Variants in TTC6 observed in about 807,000 individuals in gnomAD.
TTC6 encodes tetratricopeptide repeat protein 6.
TTC6 carries 172 observed loss-of-function variants against 210.4 expected under a neutral mutation model. The observed-to-expected ratio is 0.82, with a 90% CI of 0.72 to 0.93. The LOEUF is 0.93. Among genes scored for constraint, TTC6 ranks in the 40% least tolerant of loss-of-function variants. The pLI is 0.00. For missense variants in TTC6, 2,414 were observed against 2,318.1 expected (o/e 1.04, Z -0.85); for synonymous variants, 804 against 819.6 (o/e 0.98, Z 0.32).
At chr14:37,807,408 C>T in exon 23 of TTC6, 12 of 1,530,122 alleles carry the variant, frequency 7.8e-6, no homozygotes, top group Non-Finnish European at 1.1e-5. Context: ...AAAATTTACC[C>T]TGAAAGCGTA....
chr14:37,835,841 A>G (rs2096196644), intron 29 of TTC6, among the ~76,000 whole-genome samples: 1 of 152,146 alleles, frequency 6.6e-6, no homozygotes, highest in African/African-American at 2.4e-5. Context: ...TTCTCTCTAT[A>G]CGGATTCAAT....
chr14:37,785,624 C>T (rs1298031847), intron 14 of TTC6, among the ~76,000 whole-genome samples: 1 of 152,192 alleles, frequency 6.6e-6, no homozygotes, highest in African/African-American at 2.4e-5. Flanking sequence ...TTTCTCTCAA[C>T]TCGTCGAAGT....
intron 2 of TTC6, among the ~76,000 whole-genome samples, chr14:37,610,539 G>A (rs1255677599): frequency 6.6e-6 from 1 of 152,036 alleles, no homozygotes; most frequent in East Asian, 1.9e-4. Context: ...TTCTTTTTGA[G>A]CTTTTAAAAA....
intron 14 of TTC6, among the ~76,000 whole-genome samples, chr14:37,756,607 T>C (rs1162862224): frequency 6.6e-6 from 1 of 152,234 alleles, no homozygotes; most frequent in Admixed American, 6.5e-5. Flanking sequence ...GAGATAATCA[T>C]GTGATTTTTG....
At chr14:37,796,221 C>G (rs1170885579) in intron 18 of TTC6, 73 bp from the exon 21 acceptor site, 1 of 615,808 alleles carries the variant, frequency 1.6e-6, no homozygotes, top group East Asian at 3.5e-5. Flanking sequence ...TTGTAAGTAA[C>G]TGATTAGAAG....
At chr14:37,707,448 A>C (rs2095837603) in intron 5 of TTC6, among the ~76,000 whole-genome samples, 1 of 151,920 alleles carries the variant, frequency 6.6e-6, no homozygotes, top group Non-Finnish European at 1.5e-5. Flanking sequence ...GCTTAGATTT[A>C]TCTCTTAAAC....
At chr14:37,666,853 T>G (rs2095749162) in intron 1 of TTC6, among the ~76,000 whole-genome samples, 3 of 150,098 alleles carry the variant, frequency 2.0e-5, no homozygotes. Context: ...TTGACTTTGG[T>G]GGGCCTCAAG....
At chr14:37,784,298 G>T (rs2096062473) in intron 14 of TTC6, among the ~76,000 whole-genome samples, 1 of 152,036 alleles carries the variant, frequency 6.6e-6, no homozygotes, top group South Asian at 2.1e-4. Context: ...TATGAATCTG[G>T]GTGCTCCTGT....
chr14:37,735,948 G>C, exon 8 of TTC6: 4 of 1,533,698 alleles, frequency 2.6e-6, no homozygotes, highest in Non-Finnish European at 3.5e-6. Flanking sequence ...ACTTTTAACT[G>C]ATAAATTGTC....
rs1447561326 is a variant in TTC6, at chr14:37,668,525, A to G, written c.940-11626A>G. On this transcript the variant is annotated intron_variant, in intron 1 of 30. Transcript: ENST00000553443. ...CATGCACTTCTCATAGTAACAGAAG[A>G]AGTTCAAAAGAGCAACCTGCAAGCT... Among the ~76,000 whole-genome samples the G allele has an allele frequency of 1.3e-5, 2 of 151,298 alleles. 1 individual carries two copies. Among genetic ancestry groups the G allele is most frequent in the Non-Finnish European group, 3.0e-5 (2 of 67,488 alleles).
intron 29 of TTC6, among the ~76,000 whole-genome samples, chr14:37,839,990 C>G (rs1198301065): frequency 6.6e-6 from 1 of 152,098 alleles, no homozygotes; most frequent in African/African-American, 2.4e-5. Flanking sequence ...GGCCTCTGTT[C>G]TGTTCCATTG....
chr14:37,787,667 C>G (rs2139309660), intron 15 of TTC6, 30 bp downstream of exon 17: 1 of 1,398,388 alleles, frequency 7.2e-7, no homozygotes, highest in African/African-American at 1.4e-5. Context: ...ATGTATATAG[C>G]AACCCAATCT....
intron 20 of TTC6, among the ~76,000 whole-genome samples, chr14:37,801,828 G>A (rs1245783414): frequency 6.6e-6 from 1 of 152,126 alleles, no homozygotes. Flanking sequence ...TGTGTAAGAC[G>A]GTTTGGCGAT....
chr14:37,799,413 T>C (rs896062876), intron 20 of TTC6, among the ~76,000 whole-genome samples: 25 of 152,306 alleles, frequency 1.6e-4, no homozygotes, highest in Admixed American at 1.6e-3. Context: ...TTTCCACTCA[T>C]TCTGCTGCTC....
intron 1 of TTC6, among the ~76,000 whole-genome samples, chr14:37,603,936 G>A (rs1211742173): frequency 6.6e-6 from 1 of 152,186 alleles, no homozygotes; most frequent in African/African-American, 2.4e-5. Flanking sequence ...AATGGGCATG[G>A]GAGTACCCAC....
At chr14:37,778,015 A>T (rs1391729818) in intron 14 of TTC6, among the ~76,000 whole-genome samples, 2 of 152,112 alleles carry the variant, frequency 1.3e-5, no homozygotes, top group African/African-American at 4.8e-5. Context: ...TTCCCAGACC[A>T]CTGGCTACAA....
chr14:37,714,983 G>A (rs2095850240), intron 6 of TTC6, among the ~76,000 whole-genome samples, 187 bp downstream of exon 8: 2 of 152,112 alleles, frequency 1.3e-5, no homozygotes, highest in South Asian at 2.1e-4. Flanking sequence ...TTTGAGACCA[G>A]TCTGGCCAAC....
At chr14:37,651,047 A>G (rs985702536) in intron 1 of TTC6, among the ~76,000 whole-genome samples, 1 of 152,198 alleles carries the variant, frequency 6.6e-6, no homozygotes, top group Non-Finnish European at 1.5e-5. Context: ...TAGAAGTATT[A>G]ATACTTGGTA....
chr14:37,680,504 A>C (rs1051291362), intron 2 of TTC6, among the ~76,000 whole-genome samples: 1 of 152,154 alleles, frequency 6.6e-6, no homozygotes, highest in Non-Finnish European at 1.5e-5. Flanking sequence ...GAGGACTTTA[A>C]CAATTCTGAT....
Sources: allele counts gnomAD v4.1 joint callset (sites outside exome capture counted in the v4.1 genomes callset), GRCh38; gene constraint gnomAD v4.1.1; transcripts MANE v1.5; gene names NCBI Gene and HGNC (gene_info 2026-07-23, HGNC 2026-07-21).